Variants in OTULIN observed in about 807,000 individuals in gnomAD.
OTULIN encodes ubiquitin thioesterase otulin.
Under a neutral mutation model 39.6 loss-of-function variants are expected in OTULIN, and 15 were observed. The ratio of observed to expected loss-of-function variants is 0.38; its 90% CI spans 0.25 to 0.58. OTULIN has a LOEUF of 0.58. Ranked by LOEUF, OTULIN falls within the 20% of genes least tolerant of loss-of-function variation. The pLI, the probability that OTULIN is intolerant of heterozygous loss-of-function variation, is 0.66. For synonymous variants in OTULIN, 156 were observed against 170.3 expected, an observed-to-expected ratio of 0.92 and a Z score of 0.65; for missense variants, 319 against 445.9, an observed-to-expected ratio of 0.72 and a Z score of 2.56.
downstream of OTULIN, among the ~76,000 whole-genome samples, chr5:14,704,312 A>G (rs1307469946): frequency 4.8e-5 from 6 of 124,754 alleles, no homozygotes; most frequent in Non-Finnish European, 8.0e-5. Context: ...CCTGGGCAAT[A>G]GAGGGAGACT....
downstream of OTULIN, among the ~76,000 whole-genome samples, chr5:14,702,822 G>GGTCTTT (rs1736825123): frequency 2.0e-5 from 3 of 152,140 alleles, no homozygotes; most frequent in African/African-American, 7.2e-5. Flanking sequence ...ATTCTGTATT[G>GGTCTTT]GTCTTTGGAA....
chr5:14,712,827 C>A, the OTULIN span: 18 of 1,528,864 alleles, frequency 1.2e-5, no homozygotes, highest in Middle Eastern at 1.8e-4. Context: ...TTCTCCTGCA[C>A]CCAGGAGGAT....
intron 1 of OTULIN, among the ~76,000 whole-genome samples, chr5:14,666,481 C>G (rs541047638): frequency 1.3e-5 from 2 of 152,092 alleles, no homozygotes; most frequent in African/African-American, 4.8e-5. Context: ...GCTGGAGAGA[C>G]CCTGATGCAT....
rs993231870 is a variant in OTULIN, at chr5:14,695,856, A to C, written c.*2808A>C. ...TTCCGTAGAATACAGAGTGGATGAAAATGTTTTCAATGCACAGAACAGGAT... is the reference window on the plus strand; with the variant it reads ...TTCCGTAGAATACAGAGTGGATGAACATGTTTTCAATGCACAGAACAGGAT... On this transcript the variant is annotated 3_prime_UTR_variant, in exon 7 of 7. Coordinates refer to ENST00000284274, the MANE Select transcript of OTULIN (RefSeq NM_138348.6). 6.6e-6 allele frequency: 1 copy of C among 152,214 alleles called. No homozygotes were observed. The highest frequency in any genetic ancestry group is 1.9e-4 in the East Asian group (1 of 5,204). The allele number at this position is 152,214 out of a possible 1,614,324, so 9.4% of individuals were successfully genotyped here. A position where few individuals can be genotyped will look rare whatever the true frequency, so the allele number is the denominator to read the frequency against.
At chr5:14,681,302 A>G (rs1736243245) in intron 3 of OTULIN, among the ~76,000 whole-genome samples, 162 bp from the exon 4 acceptor site, 1 of 151,600 alleles carries the variant, frequency 6.6e-6, no homozygotes, top group Non-Finnish European at 1.5e-5. Context: ...GTTGTTTGCC[A>G]GTGAGTAAGT....
At chr5:14,683,077 T>A (rs961540657) in intron 4 of OTULIN, among the ~76,000 whole-genome samples, 2 of 152,154 alleles carry the variant, frequency 1.3e-5, no homozygotes, top group East Asian at 3.9e-4. Flanking sequence ...GTTCCATGAT[T>A]GTTTAATACA....
the OTULIN span, chr5:14,712,856 C>T: frequency 6.3e-7 from 1 of 1,586,122 alleles, no homozygotes. Context: ...GAGGAGGCTC[C>T]CGGCGCGGCT....
chr5:14,716,227 T>C, the OTULIN span, among the ~76,000 whole-genome samples: 1 of 152,144 alleles, frequency 6.6e-6, no homozygotes, highest in Non-Finnish European at 1.5e-5. Context: ...GTACGCCAGG[T>C]GCAGTGGCTC....
downstream of OTULIN, among the ~76,000 whole-genome samples, chr5:14,704,419 C>G (rs1736880860): frequency 6.7e-6 from 1 of 148,838 alleles, no homozygotes; most frequent in Admixed American, 6.7e-5. Flanking sequence ...TAGATGTGGG[C>G]AGGAGGATTG....
At chr5:14,687,240 G>A (rs781190025) in intron 4 of OTULIN, among the ~76,000 whole-genome samples, 1 of 152,090 alleles carries the variant, frequency 6.6e-6, no homozygotes, top group Non-Finnish European at 1.5e-5. Flanking sequence ...GGCCTGCTGT[G>A]GAATGTCCTG....
chr5:14,678,871 G>A, intron 3 of OTULIN, 96 bp downstream of exon 3: 1 of 724,178 alleles, frequency 1.4e-6, no homozygotes. Context: ...TAGTTAAAAT[G>A]ACTGCTATAG....
the OTULIN span, chr5:14,713,570 G>A: frequency 1.2e-6 from 2 of 1,614,206 alleles, no homozygotes; most frequent in South Asian, 2.2e-5. This position sits in a 1 kb window ranked among gnomAD's most constrained non-coding sequence, Gnocchi z 4.4. Context: ...CCACGAGGCT[G>A]GCGATGAGGA....
the OTULIN span, chr5:14,711,055 C>A: frequency 1.3e-6 from 1 of 773,578 alleles, no homozygotes; most frequent in Non-Finnish European, 2.3e-6. Context: ...AGAGAATTGA[C>A]ACGAAACCTT....
chr5:14,668,218 T>C (rs1449786367), intron 1 of OTULIN, among the ~76,000 whole-genome samples: 1 of 152,212 alleles, frequency 6.6e-6, no homozygotes, highest in East Asian at 1.9e-4. Context: ...CCCCAGATGC[T>C]GCTACAGTTC....
Position 14,664,810 on chromosome 5 carries a change from G to A in OTULIN, c.-16G>A. The stretch of plus-strand genomic sequence containing the variant: ...CGTTCGGAGCCGGCTGAACCCCTTC[G>A]GCCGCGAGCGACCGCATGAGTCGGG... On this transcript the variant is annotated 5_prime_UTR_variant, in exon 1 of 7. Transcript: ENST00000284274. 8.2e-7 allele frequency: 1 copy of A among 1,213,354 alleles called. No individual in the cohort carries two copies. The highest frequency in any genetic ancestry group is 1.0e-6 in the Non-Finnish European group (1 of 974,322). 75.2% of individuals were successfully genotyped at this position (1,213,354 alleles called of 1,614,324 possible).
At chr5:14,689,370 G>A (rs1736465878) in intron 5 of OTULIN, among the ~76,000 whole-genome samples, 1 of 152,170 alleles carries the variant, frequency 6.6e-6, no homozygotes, top group South Asian at 2.1e-4. Context: ...ATAAGGAATG[G>A]TATTTATGTT....
intron 1 of OTULIN, among the ~76,000 whole-genome samples, chr5:14,671,861 G>T (rs867037471): frequency 3.3e-5 from 5 of 152,102 alleles, no homozygotes; most frequent in African/African-American, 1.2e-4. Flanking sequence ...ACTTAATTTT[G>T]AGTGCTAATT....
the OTULIN span, chr5:14,711,420 T>C: frequency 3.4e-6 from 3 of 870,836 alleles, no homozygotes; most frequent in Non-Finnish European, 5.8e-6. Flanking sequence ...CACTGTAGGC[T>C]TAAACCTTCT....
intron 3 of OTULIN, among the ~76,000 whole-genome samples, chr5:14,679,846 T>C (rs1231699245): frequency 1.3e-5 from 2 of 152,204 alleles, no homozygotes; most frequent in African/African-American, 4.8e-5. Flanking sequence ...AACTCAATTA[T>C]GAAAAACCTG....
Sources: allele counts gnomAD v4.1 joint callset (sites outside exome capture counted in the v4.1 genomes callset), GRCh38; gene constraint gnomAD v4.1.1; non-coding constraint Gnocchi (gnomAD v3.1); transcripts MANE v1.5; gene names NCBI Gene and HGNC (gene_info 2026-07-23, HGNC 2026-07-21).